Variants in CAV1 observed in about 807,000 individuals in gnomAD.
CAV1 encodes the protein caveolin-1.
CAV1 carries 10 observed loss-of-function variants against 16.5 expected under a neutral mutation model. The ratio of observed to expected loss-of-function variants is 0.61; its 90% CI spans 0.37 to 1.03. The LOEUF (loss-of-function observed/expected upper bound fraction) is 1.03, where lower values mean the gene tolerates loss of function less well. Ranked by LOEUF, CAV1 falls within the 50% of genes least tolerant of loss-of-function variation. CAV1 has a pLI of 0.01. For missense variants in CAV1, 212 were observed against 232.8 expected (o/e 0.91, Z 0.58); for synonymous variants, 76 against 85.1 (o/e 0.89, Z 0.59).
At chr7:116,546,535 A>AT (rs1794050157) in intron 2 of CAV1, among the ~76,000 whole-genome samples, 2 of 146,938 alleles carry the variant, frequency 1.4e-5, no homozygotes, top group African/African-American at 4.9e-5. Flanking sequence ...ACTAAAAATA[A>AT]AAAAAAAAAA....
chr7:116,558,149 A>G (rs1329498113), intron 2 of CAV1, among the ~76,000 whole-genome samples: 1 of 152,192 alleles, frequency 6.6e-6, no homozygotes, highest in Non-Finnish European at 1.5e-5. Context: ...TGAAGTAATT[A>G]TGCTAATTGG....
At position 116,526,804 on chromosome 7, in the gene CAV1, G is replaced by C. The variant is rs1584766809; in HGVS notation, c.195+115G>C. On this transcript the variant is annotated intron_variant, in intron 2 of 2. Coordinates refer to ENST00000341049, the MANE Select transcript of CAV1 (RefSeq NM_001753.5). ...ACACCCCACCCCGCCCCCTACACGC[G>C]CACACACACACACACACAGAGTTTT... 1.1e-4 allele frequency: 110 copies of C among 1,011,946 alleles called. 2 individuals carry two copies. In the South Asian group the frequency reaches 1.5e-3, roughly 14 times the overall value. 62.7% of individuals were successfully genotyped at this position (1,011,946 alleles called of 1,614,324 possible). A position where few individuals can be genotyped will look rare whatever the true frequency, so the allele number is the denominator to read the frequency against.
At chr7:116,552,618 T>C (rs1794185959) in intron 2 of CAV1, among the ~76,000 whole-genome samples, 1 of 152,188 alleles carries the variant, frequency 6.6e-6, no homozygotes. Context: ...TCCTTGGCCT[T>C]CTAATCATGC....
intron 2 of CAV1, among the ~76,000 whole-genome samples, chr7:116,534,027 G>A (rs189942830): frequency 4.8e-4 from 73 of 151,964 alleles, no homozygotes; most frequent in African/African-American, 1.4e-3. Context: ...GACCAGCCTG[G>A]CCAACATGGT....
chr7:116,542,046 C>T (rs537016005), intron 2 of CAV1, among the ~76,000 whole-genome samples: 6 of 152,174 alleles, frequency 3.9e-5, no homozygotes, highest in South Asian at 4.1e-4. Flanking sequence ...ATTGATGTGG[C>T]GTTGTTTCAA....
chr7:116,559,634 GAACC>G lies in CAV1; in HGVS notation c.*351_*354del. 1.9e-6 allele frequency: 1 copy of G among 525,144 alleles called. No homozygotes were observed. The highest frequency in any genetic ancestry group is 3.3e-6 in the Non-Finnish European group (1 of 303,784). 32.5% of individuals were successfully genotyped at this position (525,144 alleles called of 1,614,324 possible). A position where few individuals can be genotyped will look rare whatever the true frequency, so the allele number is the denominator to read the frequency against. On this transcript the variant is annotated 3_prime_UTR_variant, in exon 3 of 3. Coordinates refer to ENST00000341049, the MANE Select transcript of CAV1 (RefSeq NM_001753.5). ...AGGAGGAAAAAAAAAAAAAAGAAAA[GAACC>G]AACAACCTCAACTGCCTACTCCAAA...
chr7:116,529,887 CCT>C (rs1244635572), intron 2 of CAV1, among the ~76,000 whole-genome samples: 1 of 152,106 alleles, frequency 6.6e-6, no homozygotes, highest in African/African-American at 2.4e-5. Flanking sequence ...CTTCATTCTC[CCT>C]CTGAGATTTC....
intron 2 of CAV1, among the ~76,000 whole-genome samples, chr7:116,533,646 C>G (rs536955726): frequency 2.0e-5 from 3 of 152,206 alleles, no homozygotes; most frequent in African/African-American, 7.2e-5. Flanking sequence ...TAAATGCTGC[C>G]TACATAGAGT....
At chr7:116,554,298 CATAG>C (rs1794220805) in intron 2 of CAV1, among the ~76,000 whole-genome samples, 1 of 151,828 alleles carries the variant, frequency 6.6e-6, no homozygotes. Flanking sequence ...TTTTTTTCAC[CATAG>C]ATAGATGTAC....
chr7:116,533,872 A>C (rs1348772340), intron 2 of CAV1, among the ~76,000 whole-genome samples: 1 of 152,214 alleles, frequency 6.6e-6, no homozygotes, highest in African/African-American at 2.4e-5. Context: ...TTGGTCTCAT[A>C]AAAAATTGTA....
chr7:116,545,099 C>T (rs1197237516), intron 2 of CAV1, among the ~76,000 whole-genome samples: 3 of 152,206 alleles, frequency 2.0e-5, no homozygotes. Flanking sequence ...TGTCTTATTA[C>T]ATTGTATTCC....
intron 2 of CAV1, among the ~76,000 whole-genome samples, chr7:116,538,421 A>G (rs1467276608): frequency 6.6e-6 from 1 of 152,234 alleles, no homozygotes; most frequent in African/African-American, 2.4e-5. Flanking sequence ...TCTTCTTAGA[A>G]GTAATATATG....
chr7:116,530,597 G>A (rs1452960195), intron 2 of CAV1, among the ~76,000 whole-genome samples: 1 of 152,126 alleles, frequency 6.6e-6, no homozygotes, highest in African/African-American at 2.4e-5. Context: ...GGTCATGGAG[G>A]ACAGATGGAT....
At chr7:116,555,518 A>AAGAAAGAAAGAGAGAGAG (rs1554357869) in intron 2 of CAV1, among the ~76,000 whole-genome samples, 2 of 14,052 alleles carry the variant, frequency 1.4e-4, no homozygotes, top group African/African-American at 4.8e-4. Context: ...GAAAGAAAGA[A>AAGAAAGAAAGAGAGAGAG]AGAGAGAGAG....
intron 2 of CAV1, among the ~76,000 whole-genome samples, chr7:116,552,423 T>G (rs532857884): frequency 1.3e-5 from 2 of 152,300 alleles, no homozygotes; most frequent in Admixed American, 1.3e-4. Flanking sequence ...TATGTACAAC[T>G]ACTATGCAAG....
chr7:116,525,625 C>A, intron 1 of CAV1: 1 of 1,128,876 alleles, frequency 8.9e-7, no homozygotes, highest in South Asian at 2.3e-5. Flanking sequence ...TGGCGTCTGG[C>A]AGGGGTGTTC....
At chr7:116,553,550 C>T (rs1794205273) in intron 2 of CAV1, among the ~76,000 whole-genome samples, 1 of 152,036 alleles carries the variant, frequency 6.6e-6, no homozygotes, top group Admixed American at 6.6e-5. Context: ...AATTACAGAA[C>T]AGAAAGTTGG....
intron 2 of CAV1, among the ~76,000 whole-genome samples, chr7:116,537,109 C>G (rs1435918143): frequency 1.3e-5 from 2 of 151,314 alleles, no homozygotes; most frequent in Non-Finnish European, 2.9e-5. Flanking sequence ...AAAGACACAA[C>G]CATTTCCTCT....
intron 2 of CAV1, among the ~76,000 whole-genome samples, chr7:116,557,999 G>T (rs958957895): frequency 5.9e-5 from 9 of 152,036 alleles, no homozygotes; most frequent in African/African-American, 1.4e-4. Flanking sequence ...TGACACCCTT[G>T]CTTGTTCCTG....
Sources: allele counts gnomAD v4.1 joint callset (sites outside exome capture counted in the v4.1 genomes callset), GRCh38; gene constraint gnomAD v4.1.1; transcripts MANE v1.5; gene names NCBI Gene and HGNC (gene_info 2026-07-23, HGNC 2026-07-21).